FAM171A1: variants seen among roughly 807,000 people sequenced by gnomAD.
FAM171A1 encodes family with sequence similarity 171 member A1, also known as protein FAM171A1.
A neutral mutation model predicts 74.9 loss-of-function variants in FAM171A1; 23 were observed. That is an observed-to-expected ratio of 0.31 (90% CI 0.22 to 0.44). FAM171A1 has a LOEUF of 0.44. Ranked by LOEUF, FAM171A1 falls within the 20% of genes least tolerant of loss-of-function variation. The pLI is 1.00. For synonymous variants in FAM171A1, 527 were observed against 505.7 expected (o/e 1.04, Z -0.57); for missense variants, 1,162 against 1,159.2 (o/e 1.00, Z -0.03).
chr10:15,231,536 G>A (rs1834205571), intron 5 of FAM171A1, among the ~76,000 whole-genome samples: 1 of 151,988 alleles, frequency 6.6e-6, no homozygotes, highest in Non-Finnish European at 1.5e-5. Flanking sequence ...TCCGGGTGAT[G>A]CAGGTGCCGT....
intron 5 of FAM171A1, among the ~76,000 whole-genome samples, chr10:15,242,944 G>A (rs1187995312): frequency 1.3e-5 from 2 of 152,156 alleles, no homozygotes; most frequent in Non-Finnish European, 2.9e-5. Flanking sequence ...ACCAATTTCT[G>A]TATTGTATTC....
At chr10:15,229,417 A>G (rs1434750238) in intron 5 of FAM171A1, among the ~76,000 whole-genome samples, 1 of 151,718 alleles carries the variant, frequency 6.6e-6, no homozygotes, top group Non-Finnish European at 1.5e-5. Context: ...CATCATCATC[A>G]TCGTCATCAC....
At chr10:15,244,572 A>G (rs572423213) in intron 5 of FAM171A1, among the ~76,000 whole-genome samples, 1 of 152,250 alleles carries the variant, frequency 6.6e-6, no homozygotes, top group Admixed American at 6.5e-5. Flanking sequence ...TGATTCAACC[A>G]TTCAACAGAC....
At chr10:15,238,218 G>GA (rs1834319361) in intron 5 of FAM171A1, among the ~76,000 whole-genome samples, 1 of 152,166 alleles carries the variant, frequency 6.6e-6, no homozygotes, top group Non-Finnish European at 1.5e-5. Flanking sequence ...TGTGGCTTGT[G>GA]ATATATAGAG....
chr10:15,211,756 TTC>T lies in FAM171A1; in HGVS notation c.*1157_*1158del, dbSNP rs1833892004. 1 of 149,246 alleles carries T rather than the reference TTC, an allele frequency of 6.7e-6. No individual in the cohort carries two copies. The highest frequency in any genetic ancestry group is 2.6e-5 in the African/African-American group (1 of 38,658). 9.2% of individuals were successfully genotyped at this position (149,246 alleles called of 1,614,324 possible). On this transcript the variant is annotated 3_prime_UTR_variant, in exon 8 of 8. Transcript: ENST00000378116. Reference sequence around the variant, plus strand: ...GCACTTTTGGATAGTACATAAGATTTTCTTTTTTTTTTTTAAATTTTTTTTAA... The same window carrying T: ...GCACTTTTGGATAGTACATAAGATTTTTTTTTTTTTTTAAATTTTTTTTAA...
chr10:15,362,369 G>A (rs540805140), intron 1 of FAM171A1, among the ~76,000 whole-genome samples: 1 of 152,288 alleles, frequency 6.6e-6, no homozygotes, highest in East Asian at 1.9e-4. Flanking sequence ...CTTGAAATAA[G>A]ACTTCTGTGT....
rs1833998069 is a variant in FAM171A1 at position 15,218,665 on chromosome 10, G to A, written c.871+2279C>T. On this transcript the variant is annotated intron_variant, in intron 6 of 7. Coordinates refer to ENST00000378116, the MANE Select transcript of FAM171A1 (RefSeq NM_001010924.2). Reference sequence around the variant, plus strand: ...GCTGGAGTGCAGTGACATGATCATAGCTCACTGCAGCCTTGAACTCCTGAG... The same window carrying A: ...GCTGGAGTGCAGTGACATGATCATAACTCACTGCAGCCTTGAACTCCTGAG... 1.3e-5 allele frequency among the ~76,000 whole-genome samples: 2 copies of A among 152,066 alleles called. 1 individual carries two copies. The highest frequency in any genetic ancestry group is 4.1e-4 in the South Asian group (2 of 4,820).
intron 1 of FAM171A1, among the ~76,000 whole-genome samples, chr10:15,299,351 G>T (rs1835200198): frequency 6.6e-6 from 1 of 152,216 alleles, no homozygotes; most frequent in South Asian, 2.1e-4. Flanking sequence ...ACCTTTGCCA[G>T]CTTCAAAGAT....
intron 4 of FAM171A1, among the ~76,000 whole-genome samples, chr10:15,251,255 GT>G (rs1834503487): frequency 6.6e-6 from 1 of 152,136 alleles, no homozygotes; most frequent in Non-Finnish European, 1.5e-5. Context: ...TCCCTTTAGT[GT>G]CCTCTAGCTG....
intron 3 of FAM171A1, among the ~76,000 whole-genome samples, chr10:15,261,254 G>A (rs921652278): frequency 2.0e-5 from 3 of 152,194 alleles, no homozygotes; most frequent in African/African-American, 7.2e-5. Context: ...AAAGCCGGAG[G>A]GTTGCAGAGG....
intron 3 of FAM171A1, among the ~76,000 whole-genome samples, chr10:15,275,168 G>A (rs1291590178): frequency 6.6e-6 from 1 of 152,094 alleles, no homozygotes; most frequent in Non-Finnish European, 1.5e-5. Flanking sequence ...GAGTTAATGG[G>A]TGCAGTACAC....
chr10:15,368,446 G>A (rs1159281128), intron 1 of FAM171A1, among the ~76,000 whole-genome samples: 1 of 152,182 alleles, frequency 6.6e-6, no homozygotes, highest in African/African-American at 2.4e-5. Flanking sequence ...CAAAGTAATT[G>A]CCAAATCCTG....
At chr10:15,314,769 G>A (rs920994875) in intron 1 of FAM171A1, among the ~76,000 whole-genome samples, 10 of 152,312 alleles carry the variant, frequency 6.6e-5, no homozygotes, top group Admixed American at 1.3e-4. Context: ...GGTTCCTGGC[G>A]TGCCCAGGTG....
intron 1 of FAM171A1, among the ~76,000 whole-genome samples, chr10:15,314,327 G>A (rs1160712644): frequency 6.6e-6 from 1 of 152,152 alleles, no homozygotes; most frequent in Non-Finnish European, 1.5e-5. Context: ...TAAGTGGACT[G>A]ACCAAATATC....
upstream of FAM171A1, among the ~76,000 whole-genome samples, chr10:15,373,104 C>T (rs1417357196): frequency 2.0e-5 from 3 of 152,158 alleles, no homozygotes; most frequent in South Asian, 2.1e-4. Context: ...TTATAAAAGA[C>T]AAATGACTGT....
upstream of FAM171A1, among the ~76,000 whole-genome samples, chr10:15,372,701 A>AG (rs981313974): frequency 7.4e-5 from 11 of 149,496 alleles, no homozygotes; most frequent in Non-Finnish European, 1.6e-4. Context: ...CCCGTCTCAA[A>AG]AAAAAAAAAA....
chr10:15,272,684 C>T (rs964685290), intron 3 of FAM171A1, among the ~76,000 whole-genome samples: 12 of 152,294 alleles, frequency 7.9e-5, no homozygotes, highest in African/African-American at 2.9e-4. Flanking sequence ...GAAATTATAA[C>T]AAATTGTCTC....
At position 15,272,662 on chromosome 10, in the gene FAM171A1, T is replaced by C. The variant is rs1564629524; in HGVS notation, c.418+3193A>G. Among the ~76,000 whole-genome samples the C allele has an allele frequency of 3.3e-5, 5 of 152,144 alleles. No individual in the cohort carries two copies. The South Asian group carries it at 1.0e-3, about 31-fold the overall frequency. ...TGGGAGTAAAACACTCCTCAGCAAA[T>C]GTAAAAGAACAGAAATTATAACAAA... On this transcript the variant is annotated intron_variant, in intron 3 of 7. Coordinates refer to ENST00000378116, the MANE Select transcript of FAM171A1 (RefSeq NM_001010924.2).
intron 1 of FAM171A1, among the ~76,000 whole-genome samples, chr10:15,293,211 G>A (rs536123805): frequency 6.6e-6 from 1 of 152,104 alleles, no homozygotes; most frequent in Non-Finnish European, 1.5e-5. Context: ...TCTCTAAAAC[G>A]AGTAGGCATT....
Sources: gnomAD v4.1 joint callset for allele counts (sites outside exome capture counted in the v4.1 genomes callset) on GRCh38, gnomAD v4.1.1 for gene constraint, MANE v1.5 for transcripts, NCBI Gene and HGNC (gene_info 2026-07-23, HGNC 2026-07-21) for gene names.